The following VAV3 variants were observed in gnomAD, a reference collection of about 807,000 sequenced individuals.
The protein encoded by VAV3 is vav guanine nucleotide exchange factor 3, also known as guanine nucleotide exchange factor VAV3.
A neutral mutation model predicts 131.2 loss-of-function variants in VAV3; 94 were observed. The ratio of observed to expected loss-of-function variants is 0.72; its 90% CI spans 0.61 to 0.85. The LOEUF is 0.85. Ranked by LOEUF, VAV3 falls within the 40% of genes least tolerant of loss-of-function variation. VAV3 has a pLI of 0.00. For missense variants in VAV3, 939 were observed against 1,002.7 expected, an observed-to-expected ratio of 0.94 and a Z score of 0.86; for synonymous variants, 349 against 342.0, an observed-to-expected ratio of 1.02 and a Z score of -0.22.
At chr1:107,865,611 A>C (rs1669948273) in intron 2 of VAV3, among the ~76,000 whole-genome samples, 1 of 152,208 alleles carries the variant, frequency 6.6e-6, no homozygotes, top group African/African-American at 2.4e-5. Context: ...CAGAGGCCTG[A>C]TCATGAAGAA....
rs550350883 is a variant in VAV3, at chr1:107,797,421, C to T, written c.322-17929G>A. On this transcript the variant is annotated intron_variant, in intron 2 of 26. Coordinates refer to ENST00000370056, the MANE Select transcript of VAV3 (RefSeq NM_006113.5). The stretch of plus-strand genomic sequence containing the variant: ...GCAAGGGAAAGATGTAATCCCTTTC[C>T]TTAGGGAGTTATCAATACCCTGGAA... Among the ~76,000 whole-genome samples, 170 of 152,182 alleles carry T rather than the reference C, an allele frequency of 1.1e-3. 1 individual carries two copies. The highest frequency in any genetic ancestry group is 4.1e-3 in the African/African-American group (170 of 41,516).
intron 11 of VAV3, among the ~76,000 whole-genome samples, chr1:107,756,542 C>T (rs1300902696): frequency 6.6e-6 from 1 of 152,156 alleles, no homozygotes. Context: ...AGTAATTATG[C>T]ACTGCTCTGA....
intron 9 of VAV3, among the ~76,000 whole-genome samples, chr1:107,761,453 G>T (rs1160842919): frequency 6.6e-6 from 1 of 151,622 alleles, no homozygotes; most frequent in South Asian, 2.1e-4. Context: ...CAAAATCATG[G>T]CCCCCCAGGG....
chr1:107,898,144 A>G (rs1163046582), intron 1 of VAV3, among the ~76,000 whole-genome samples: 1 of 152,032 alleles, frequency 6.6e-6, no homozygotes, highest in Non-Finnish European at 1.5e-5. Context: ...CACCTGTTCT[A>G]TGACCTCATT....
chr1:107,693,932 T>A (rs1364995946), intron 17 of VAV3, among the ~76,000 whole-genome samples: 1 of 152,162 alleles, frequency 6.6e-6, no homozygotes, highest in Non-Finnish European at 1.5e-5. Flanking sequence ...TGGCACTGCT[T>A]ACTTCCAGGC....
Position 107,670,021 on chromosome 1 carries a change from T to C in VAV3, c.1777+13467A>G, listed in dbSNP as rs116338861. 8.9e-3 allele frequency among the ~76,000 whole-genome samples: 1,354 copies of C among 152,348 alleles called. 13 individuals carry two copies. The highest frequency in any genetic ancestry group is 0.028 in the African/African-American group (1,151 of 41,576). On this transcript the variant is annotated intron_variant, in intron 19 of 26. Transcript: ENST00000370056. ...TGCCATGGCTAGGTTCAGTTTTCTATCTTGATTAATACATTATATCATTTG... is the reference window on the plus strand; with the variant it reads ...TGCCATGGCTAGGTTCAGTTTTCTACCTTGATTAATACATTATATCATTTG...
chr1:107,612,139 T>G (rs1310744900), intron 21 of VAV3, among the ~76,000 whole-genome samples: 1 of 149,558 alleles, frequency 6.7e-6, no homozygotes, highest in Non-Finnish European at 1.5e-5. Context: ...TATATATATA[T>G]ATATACACAC....
chr1:107,698,501 C>T (rs541095592), intron 17 of VAV3, among the ~76,000 whole-genome samples: 7 of 152,308 alleles, frequency 4.6e-5, no homozygotes, highest in African/African-American at 1.7e-4. Flanking sequence ...GCATTGAATG[C>T]AGTTTTGACT....
chr1:107,751,026 C>T, intron 13 of VAV3, 91 bp downstream of exon 13: 5 of 1,238,088 alleles, frequency 4.0e-6, no homozygotes, highest in Non-Finnish European at 4.5e-6. Flanking sequence ...CTTTTTTCCC[C>T]CTACTTCACA....
At chr1:107,705,368 A>G (rs1165976960) in intron 15 of VAV3, among the ~76,000 whole-genome samples, 2 of 151,504 alleles carry the variant, frequency 1.3e-5, no homozygotes, top group Admixed American at 1.3e-4. Flanking sequence ...AAAAAAAAAA[A>G]AAACCCACTG....
chr1:107,898,208 T>C (rs1007692973), intron 1 of VAV3, among the ~76,000 whole-genome samples: 1 of 152,152 alleles, frequency 6.6e-6, no homozygotes, highest in East Asian at 1.9e-4. Context: ...ATATAATGCA[T>C]GTATACATGT....
intron 24 of VAV3, among the ~76,000 whole-genome samples, chr1:107,598,927 C>A (rs763074879): frequency 1.4e-4 from 21 of 152,010 alleles, no homozygotes; most frequent in Middle Eastern, 3.4e-3. Flanking sequence ...TGAAAACAAA[C>A]TTGAAAGGAA....
At chr1:107,806,111 T>G (rs966746275) in intron 2 of VAV3, among the ~76,000 whole-genome samples, 4 of 152,166 alleles carry the variant, frequency 2.6e-5, no homozygotes, top group Admixed American at 6.6e-5. Context: ...GCCTCTGCCT[T>G]TTGTCTCCAG....
At chr1:107,708,117 C>CA (rs1434914460) in intron 15 of VAV3, among the ~76,000 whole-genome samples, 8 of 151,894 alleles carry the variant, frequency 5.3e-5, no homozygotes, top group African/African-American at 1.9e-4. Flanking sequence ...GTCAAATGAG[C>CA]AAAGACATGA....
At chr1:107,668,810 G>C (rs979556867) in intron 19 of VAV3, 2 of 985,050 alleles carry the variant, frequency 2.0e-6, no homozygotes, top group African/African-American at 3.5e-5. Flanking sequence ...ATATTTTTAG[G>C]AGAAACATAC....
intron 1 of VAV3, among the ~76,000 whole-genome samples, chr1:107,945,905 T>C (rs1353144364): frequency 6.6e-6 from 1 of 151,314 alleles, no homozygotes; most frequent in African/African-American, 2.4e-5. Flanking sequence ...CAAGGGGTAT[T>C]TGGAAACCAA....
chr1:107,958,380 G>A (rs914011150), intron 1 of VAV3, among the ~76,000 whole-genome samples: 1 of 152,132 alleles, frequency 6.6e-6, no homozygotes, highest in African/African-American at 2.4e-5. Context: ...TAAAAACAAT[G>A]TATGGTTGTG....
intron 25 of VAV3, among the ~76,000 whole-genome samples, chr1:107,588,532 TGC>T (rs1391103150): frequency 1.3e-5 from 2 of 152,230 alleles, no homozygotes; most frequent in Non-Finnish European, 2.9e-5. Context: ...ACATGTGAGA[TGC>T]TATTCTCAGT....
intron 15 of VAV3, among the ~76,000 whole-genome samples, chr1:107,706,538 G>C (rs1222506756): frequency 6.6e-6 from 1 of 152,126 alleles, no homozygotes; most frequent in Admixed American, 6.5e-5. Context: ...CATTTCCATG[G>C]AGGCATTTTT....
Sources: allele counts gnomAD v4.1 joint callset (sites outside exome capture counted in the v4.1 genomes callset), GRCh38; gene constraint gnomAD v4.1.1; transcripts MANE v1.5; gene names NCBI Gene and HGNC (gene_info 2026-07-23, HGNC 2026-07-21).